The following DIP2C variants were observed in gnomAD, a reference collection of about 807,000 sequenced individuals.
DIP2C encodes the protein disco-interacting protein 2 homolog C.
Under a neutral mutation model 192.4 loss-of-function variants are expected in DIP2C, and 33 were observed. The ratio of observed to expected loss-of-function variants is 0.17; its 90% CI spans 0.13 to 0.23. DIP2C has a LOEUF of 0.23. Among genes scored for constraint, DIP2C ranks in the 10% least tolerant of loss-of-function variants. The pLI is 1.00. For synonymous variants in DIP2C, 979 were observed against 864.1 expected (o/e 1.13, Z -2.33); for missense variants, 1,537 against 2,110.1 (o/e 0.73, Z 5.32).
chr10:576,960 AG>A (rs1850201020), intron 1 of DIP2C, among the ~76,000 whole-genome samples: 1 of 152,176 alleles, frequency 6.6e-6, no homozygotes, highest in South Asian at 2.1e-4. Context: ...CTAATTGCCA[AG>A]GTCCACATTC....
chr10:654,459 A>G (rs1856153946), intron 1 of DIP2C, among the ~76,000 whole-genome samples: 1 of 152,218 alleles, frequency 6.6e-6, no homozygotes, highest in Admixed American at 6.5e-5. Context: ...CACAGTATTT[A>G]TAGCGTGGAG....
At chr10:544,112 A>C (rs925798009) in intron 1 of DIP2C, among the ~76,000 whole-genome samples, 1 of 152,146 alleles carries the variant, frequency 6.6e-6, no homozygotes, top group Non-Finnish European at 1.5e-5. Context: ...GCCATCTTTC[A>C]CATTCAAGGT....
At chr10:408,504 A>G (rs1964967135) in intron 9 of DIP2C, among the ~76,000 whole-genome samples, 1 of 152,202 alleles carries the variant, frequency 6.6e-6, no homozygotes, top group Admixed American at 6.5e-5. Flanking sequence ...ATGCCTTTAT[A>G]GTATTGCTTA....
chr10:555,050 TA>T (rs566102391), intron 1 of DIP2C, among the ~76,000 whole-genome samples: 6 of 152,186 alleles, frequency 3.9e-5, no homozygotes, highest in South Asian at 2.1e-4. Flanking sequence ...TTTTTTCATT[TA>T]AAAAAAATCA....
At chr10:579,331 ATG>A (rs916546647) in intron 1 of DIP2C, among the ~76,000 whole-genome samples, 14 of 152,116 alleles carry the variant, frequency 9.2e-5, no homozygotes, top group Non-Finnish European at 2.1e-4. Flanking sequence ...ACGTGTGTAC[ATG>A]CATAGTGTAC....
intron 1 of DIP2C, among the ~76,000 whole-genome samples, chr10:593,541 A>G (rs531095588): frequency 8.2e-6 from 1 of 122,296 alleles, no homozygotes; most frequent in East Asian, 2.8e-4. Context: ...TCCTCGTGGA[A>G]GGCTGCCCTG....
intron 1 of DIP2C, among the ~76,000 whole-genome samples, chr10:619,799 G>A (rs998228556): frequency 7.2e-5 from 11 of 152,258 alleles, no homozygotes; most frequent in African/African-American, 1.9e-4. Context: ...GCTCTGCAGC[G>A]CCAGAGAGTC....
At chr10:448,062 C>G (rs1968442938) in intron 3 of DIP2C, among the ~76,000 whole-genome samples, 1 of 133,916 alleles carries the variant, frequency 7.5e-6, no homozygotes, top group South Asian at 2.3e-4. Context: ...GCAGGACCCA[C>G]TCATCCCCGT....
rs1288686337 is a variant in DIP2C, at chr10:418,965, A to T, written c.739+100T>A. 3 of 1,552,270 alleles carry T rather than the reference A, an allele frequency of 1.9e-6. No individual in the cohort carries two copies. The African/African-American group carries it at 4.1e-5, about 21-fold the overall frequency. The stretch of plus-strand genomic sequence containing the variant: ...TGATAAATTGGCTTTGTCAGAACCG[A>T]TTGTACCCCAGGAAGAAACACATCC... On this transcript the variant is annotated intron_variant, in intron 6 of 36. Coordinates refer to ENST00000280886, the MANE Select transcript of DIP2C (RefSeq NM_014974.3).
At chr10:613,368 C>T (rs1670316830) in intron 1 of DIP2C, among the ~76,000 whole-genome samples, 1 of 152,138 alleles carries the variant, frequency 6.6e-6, no homozygotes, top group African/African-American at 2.4e-5. Flanking sequence ...TGCACGCCTG[C>T]ATCTGAGCTG....
At chr10:304,768 C>T (rs1589433125) in intron 32 of DIP2C, among the ~76,000 whole-genome samples, 1 of 150,188 alleles carries the variant, frequency 6.7e-6, no homozygotes, top group Non-Finnish European at 1.5e-5. Flanking sequence ...CAGTACACTA[C>T]ACTCACACAT....
chr10:529,662 C>T (rs955632442), intron 1 of DIP2C, among the ~76,000 whole-genome samples: 2 of 152,222 alleles, frequency 1.3e-5, no homozygotes, highest in African/African-American at 4.8e-5. Context: ...GGCTCCGTTG[C>T]ATCTTTGTGA....
chr10:317,452 C>T lies in DIP2C; in HGVS notation c.3925-7360G>A, dbSNP rs553710748. On this transcript the variant is annotated intron_variant, in intron 31 of 36. Transcript: ENST00000280886. ...ATGCTCTGACACTTTAGAGAGAGGG[C>T]GTGGGAAGGCTTTAGTTTAGGGGCT... Among the ~76,000 whole-genome samples the T allele has an allele frequency of 4.6e-5, 7 of 152,296 alleles. No individual in the cohort carries two copies. The South Asian group carries it at 1.0e-3, about 23-fold the overall frequency.
At chr10:612,018 G>A (rs1035596740) in intron 1 of DIP2C, among the ~76,000 whole-genome samples, 6 of 152,120 alleles carry the variant, frequency 3.9e-5, no homozygotes, top group East Asian at 1.9e-4. Flanking sequence ...AACCCAGGAC[G>A]GGTGCGGTGG....
At chr10:311,892 CTGCACCGTGTCACTCACGG>C (rs1956581917) in intron 31 of DIP2C, among the ~76,000 whole-genome samples, 3 of 152,178 alleles carry the variant, frequency 2.0e-5, no homozygotes, top group Admixed American at 2.0e-4. Flanking sequence ...AATGGTGGCA[CTGCACCGTGTCACTCACGG>C]TGCTCTTTCT....
intron 7 of DIP2C, among the ~76,000 whole-genome samples, chr10:414,707 A>ATATGTGTG (rs750419581): frequency 2.1e-5 from 1 of 47,800 alleles, no homozygotes; most frequent in Non-Finnish European, 4.0e-5. Flanking sequence ...GTGTGTATGT[A>ATATGTGTG]TGTGTGTGTG....
At chr10:463,007 G>A (rs944229998) in intron 3 of DIP2C, among the ~76,000 whole-genome samples, 4 of 152,046 alleles carry the variant, frequency 2.6e-5, no homozygotes, top group Admixed American at 6.6e-5. Context: ...GATATTGATG[G>A]AACACATCTC....
Position 531,517 on chromosome 10 carries a change from C to T in DIP2C, c.86-44987G>A, listed in dbSNP as rs542117571. ...CAAAGAATCGAGGTATCATACGTGC[C>T]GTTCACCGAATTCCTAACACCAAAG... On this transcript the variant is annotated intron_variant, in intron 1 of 36. Transcript: ENST00000280886. Among the ~76,000 whole-genome samples the T allele has an allele frequency of 1.5e-3, 222 of 152,228 alleles. 2 individuals carry two copies. The highest frequency in any genetic ancestry group is 4.9e-3 in the African/African-American group (205 of 41,522).
At chr10:524,367 T>C (rs996933262) in intron 1 of DIP2C, among the ~76,000 whole-genome samples, 2 of 152,226 alleles carry the variant, frequency 1.3e-5, no homozygotes, top group African/African-American at 2.4e-5. Context: ...AATTATTTAA[T>C]TACCTTCATG....
Sources: gnomAD v4.1 joint callset for allele counts (sites outside exome capture counted in the v4.1 genomes callset) on GRCh38, gnomAD v4.1.1 for gene constraint, MANE v1.5 for transcripts, NCBI Gene and HGNC (gene_info 2026-07-23, HGNC 2026-07-21) for gene names.